SLC33A2: variants seen among roughly 807,000 people sequenced by gnomAD.
SLC33A2 encodes solute carrier family 33 member 2, also known as major facilitator superfamily domain containing 3.
At chr8:144,510,344 C>A in the SLC33A2 span, 15 of 1,610,818 alleles carry the variant, frequency 9.3e-6, 1 homozygote, top group Middle Eastern at 1.3e-3. Flanking sequence ...TGCTCATGCC[C>A]CCCCCACCAC....
chr8:144,509,272 C>T, the SLC33A2 span: 13 of 1,412,816 alleles, frequency 9.2e-6, no homozygotes, highest in East Asian at 5.4e-5. Context: ...CGGAGGGGAC[C>T]TCGCCTTGCG....
At chr8:144,510,864 G>A in the SLC33A2 span, 3 of 1,609,476 alleles carry the variant, frequency 1.9e-6, no homozygotes, top group Admixed American at 3.3e-5. Flanking sequence ...CCTTCACTGG[G>A]ATGATGCGCT....
the SLC33A2 span, chr8:144,510,634 C>G: frequency 6.4e-7 from 1 of 1,564,596 alleles, no homozygotes; most frequent in Non-Finnish European, 8.7e-7. Context: ...TGCTGCGCTT[C>G]CGCCTCGGGG....
At chr8:144,509,300 C>A in the SLC33A2 span, 2 of 1,427,316 alleles carry the variant, frequency 1.4e-6, no homozygotes, top group Admixed American at 2.8e-5. Context: ...ACCTGGAACC[C>A]GACCTCCCAG....
the SLC33A2 span, chr8:144,510,380 C>T: frequency 6.2e-7 from 1 of 1,612,550 alleles, no homozygotes; most frequent in Non-Finnish European, 8.5e-7. Context: ...TGCCAGCAGC[C>T]TGTTTCCTCT....
At chr8:144,509,728 TG>T in the SLC33A2 span, 2 of 1,568,742 alleles carry the variant, frequency 1.3e-6, no homozygotes, top group Non-Finnish European at 8.6e-7. Flanking sequence ...CCGGCCGAAC[TG>T]GGGCCGGGCA....
At chr8:144,510,310 T>C in the SLC33A2 span, 2 of 1,601,552 alleles carry the variant, frequency 1.2e-6, no homozygotes, top group East Asian at 2.2e-5. Context: ...AGAAGGGAGG[T>C]GGGGGCAGAT....
At chr8:144,509,345 G>T in the SLC33A2 span, 42 of 1,469,022 alleles carry the variant, frequency 2.9e-5, no homozygotes, top group Non-Finnish European at 3.4e-5. Flanking sequence ...TGCGCGGGAA[G>T]TTGCTGCCGC....
At chr8:144,509,798 G>A in the SLC33A2 span, 5 of 1,546,504 alleles carry the variant, frequency 3.2e-6, no homozygotes, top group Middle Eastern at 1.7e-4. Context: ...GCGCGCTGCT[G>A]GCGCTGCTGC....
At chr8:144,510,326 ACCTCCCGTGCTCATGCC>A in the SLC33A2 span, 2 of 1,607,776 alleles carry the variant, frequency 1.2e-6, no homozygotes, top group South Asian at 2.2e-5. Flanking sequence ...CAGATATGGA[ACCTCCCGTGCTCATGCC>A]CCCCCCACCA....
chr8:144,510,521 A>C, the SLC33A2 span: 1 of 1,612,002 alleles, frequency 6.2e-7, no homozygotes, highest in Non-Finnish European at 8.5e-7. Flanking sequence ...AGCCCTCCCC[A>C]GTGTACCCTG....
chr8:144,509,799 G>C, the SLC33A2 span: 3 of 1,546,278 alleles, frequency 1.9e-6, no homozygotes, highest in Non-Finnish European at 2.6e-6. Flanking sequence ...CGCGCTGCTG[G>C]CGCTGCTGCC....
At chr8:144,509,489 C>G in the SLC33A2 span, 1 of 1,535,640 alleles carries the variant, frequency 6.5e-7, no homozygotes, top group Non-Finnish European at 8.7e-7. Flanking sequence ...CGTGGCTGCT[C>G]AAGCTGGCTT....
At chr8:144,510,341 GC>G in the SLC33A2 span, 88 of 1,605,918 alleles carry the variant, frequency 5.5e-5, no homozygotes, top group Middle Eastern at 2.4e-3. Flanking sequence ...CCGTGCTCAT[GC>G]CCCCCCCACC....
the SLC33A2 span, chr8:144,510,417 C>T: frequency 1.2e-6 from 2 of 1,612,912 alleles, no homozygotes; most frequent in South Asian, 1.1e-5. Flanking sequence ...GGCGTTTCTG[C>T]TCCCGAGTTG....
the SLC33A2 span, chr8:144,509,619 G>C: frequency 1.9e-6 from 3 of 1,560,448 alleles, no homozygotes; most frequent in South Asian, 2.3e-5. Context: ...TGGCCAGGCC[G>C]GGCTGCCCGC....
At chr8:144,511,196 A>G in the SLC33A2 span, 1 of 1,597,112 alleles carries the variant, frequency 6.3e-7, no homozygotes, top group Non-Finnish European at 8.5e-7. Context: ...ATAAAGCCAC[A>G]TGTGCCTGTG....
the SLC33A2 span, chr8:144,510,866 T>A: frequency 6.2e-7 from 1 of 1,609,340 alleles, no homozygotes; most frequent in Non-Finnish European, 8.5e-7. Flanking sequence ...TTCACTGGGA[T>A]GATGCGCTGC....
At chr8:144,510,058 G>A in the SLC33A2 span, 37 of 1,563,806 alleles carry the variant, frequency 2.4e-5, no homozygotes, top group Middle Eastern at 2.0e-4. Context: ...TGGGGCTTCC[G>A]GGACAGCTCC....
Sources: gnomAD v4.1 joint callset for allele counts on GRCh38, gnomAD v4.1.1 for gene constraint, MANE v1.5 for transcripts, NCBI Gene and HGNC (gene_info 2026-07-23, HGNC 2026-07-21) for gene names.